Variants in RFT1 observed in about 807,000 individuals in gnomAD.
The protein encoded by RFT1 is RFT1 glycolipid translocator homolog, also known as man(5)GlcNAc(2)-PP-dolichol translocation protein RFT1.
RFT1 carries 43 observed loss-of-function variants against 62.2 expected under a neutral mutation model. The ratio of observed to expected loss-of-function variants is 0.69; its 90% CI spans 0.54 to 0.89. The LOEUF (loss-of-function observed/expected upper bound fraction) is 0.89. RFT1 is among the 40% of genes least tolerant of loss of function. The pLI is 0.00. For missense variants in RFT1, 605 were observed against 649.9 expected, an observed-to-expected ratio of 0.93 and a Z score of 0.75; for synonymous variants, 262 against 264.6, an observed-to-expected ratio of 0.99 and a Z score of 0.10.
chr3:53,078,771 G>A, the RFT1 span, among the ~76,000 whole-genome samples: 1 of 152,198 alleles, frequency 6.6e-6, no homozygotes, highest in Non-Finnish European at 1.5e-5. Context: ...TCTCCACCGT[G>A]ACCTCTGTGC....
At chr3:53,080,516 T>C in the RFT1 span, among the ~76,000 whole-genome samples, 1 of 152,298 alleles carries the variant, frequency 6.6e-6, no homozygotes, top group African/African-American at 2.4e-5. Flanking sequence ...TAAAAGATGC[T>C]CCACCACCAC....
chr3:53,125,866 A>G (rs777825389), intron 2 of RFT1, 43 bp downstream of exon 2: 3 of 1,455,310 alleles, frequency 2.1e-6, no homozygotes, highest in Non-Finnish European at 1.9e-6. Flanking sequence ...AAGCCTGGCT[A>G]GGAAGGTGAA....
chr3:53,106,812 A>C lies in RFT1; in HGVS notation c.826+7T>G, dbSNP rs192264403. On this transcript the variant is annotated splice_region_variant and intron_variant, in intron 8 of 12. Coordinates refer to ENST00000296292, the MANE Select transcript of RFT1 (RefSeq NM_052859.4). ...TTTAATTAAAACACTACAGAATTTC[A>C]TCTTACCCTGATCACCAAAGTTCAA... 46 of 1,607,802 alleles carry C rather than the reference A, an allele frequency of 2.9e-5. 1 individual carries two copies. The South Asian group carries it at 4.9e-4, about 17-fold the overall frequency.
At position 53,120,048 on chromosome 3, in the gene RFT1, T is replaced by C. The variant is rs1559596207; in HGVS notation, c.559-27A>G. ...TGAGAAAAAAAATAAACTGTTTTAATAAAGGCATAATTAAGATATGCCTAT... is the reference window on the plus strand; with the variant it reads ...TGAGAAAAAAAATAAACTGTTTTAACAAAGGCATAATTAAGATATGCCTAT... On this transcript the variant is annotated intron_variant, in intron 5 of 12. Coordinates refer to ENST00000296292, the MANE Select transcript of RFT1 (RefSeq NM_052859.4). 6 of 1,578,298 alleles carry C rather than the reference T, an allele frequency of 3.8e-6. No homozygotes were observed. The African/African-American group carries it at 8.2e-5, about 22-fold the overall frequency.
the RFT1 span, among the ~76,000 whole-genome samples, chr3:53,071,854 C>T: frequency 2.6e-5 from 4 of 152,358 alleles, no homozygotes; most frequent in South Asian, 4.1e-4. Flanking sequence ...AAGGTGAAGC[C>T]AAAGACTCAA....
At chr3:53,128,372 G>A (rs1366415041) in intron 1 of RFT1, among the ~76,000 whole-genome samples, 2 of 152,182 alleles carry the variant, frequency 1.3e-5, no homozygotes, top group African/African-American at 4.8e-5. Flanking sequence ...GAAACTTAAT[G>A]TTCCAGGCCA....
chr3:53,092,206 T>C (rs1443900888), intron 12 of RFT1, 136 bp from the exon 13 acceptor site: 10 of 1,398,718 alleles, frequency 7.1e-6, no homozygotes, highest in Non-Finnish European at 9.9e-6. Flanking sequence ...AGGTCCATTG[T>C]TTCCCCATTG....
At position 53,092,434 on chromosome 3, in the gene RFT1, G is replaced by A. The variant is rs1469997274; in HGVS notation, c.1393C>T (p.Leu465=). 1 of 1,611,054 alleles carries A rather than the reference G, an allele frequency of 6.2e-7. No individual in the cohort carries two copies. The highest frequency in any genetic ancestry group is 1.1e-5 in the South Asian group (1 of 90,142). ...RRSPHRPLAG[L]HLSPVLLGTF... is the part of the protein sequence containing the mutation. ...CCGAGCAGGACTGGCGATAGGTGCA[G>A]GCCAGCCAGGGGCCTGTGGGGGCTC... Residue 465 remains leucine (L), a synonymous_variant, in exon 12 of 13, where the codon CTG becomes TTG. Coordinates refer to ENST00000296292, the MANE Select transcript of RFT1 (RefSeq NM_052859.4).
the RFT1 span, among the ~76,000 whole-genome samples, chr3:53,068,701 G>T: frequency 6.6e-6 from 1 of 152,180 alleles, no homozygotes; most frequent in Non-Finnish European, 1.5e-5. Context: ...AAAGGGAAGC[G>T]AGAAAATACA....
At chr3:53,130,304 C>A in intron 1 of RFT1, 34 bp downstream of exon 1, 15 of 1,549,568 alleles carry the variant, frequency 9.7e-6, no homozygotes, top group Non-Finnish European at 1.3e-5. Context: ...ATCCCGGCTG[C>A]AGTACAAGCT....
rs561235953 is a variant in RFT1 at position 53,088,708 on chromosome 3, C to G, written c.*3195G>C. 16 of 152,662 alleles carry G rather than the reference C, an allele frequency of 1.0e-4. No homozygotes were observed. The East Asian group carries it at 3.1e-3, about 29-fold the overall frequency. 9.5% of individuals were successfully genotyped at this position (152,662 alleles called of 1,614,324 possible). On this transcript the variant is annotated 3_prime_UTR_variant, in exon 13 of 13. Coordinates refer to ENST00000296292, the MANE Select transcript of RFT1 (RefSeq NM_052859.4). ...AATTAGCTGGGTGAGGTAGCACACA[C>G]CTGTGATCCCAGCTACTCAGGAGGC...
Position 53,092,384 on chromosome 3 carries a change from A to C in RFT1, c.1443T>G (p.Val481=). ...LLGTFALSGG[V]TAVSEVFLCC... is the part of the protein sequence containing the mutation. ...GGAGTCTCACCTCCGAAACAGCAGTAACCCCACCACTGAGGGCAAATGTCC... is the reference window on the plus strand; with the variant it reads ...GGAGTCTCACCTCCGAAACAGCAGTCACCCCACCACTGAGGGCAAATGTCC... Residue 481 remains valine (V), a synonymous_variant, in exon 12 of 13, where the codon GTT becomes GTG. Coordinates refer to ENST00000296292, the MANE Select transcript of RFT1 (RefSeq NM_052859.4). The C allele has an allele frequency of 1.9e-6, 3 of 1,602,924 alleles. No homozygotes were observed. Among genetic ancestry groups the C allele is most frequent in the Non-Finnish European group, 2.6e-6 (3 of 1,175,260 alleles).
At chr3:53,094,496 C>T (rs1044306887) in intron 11 of RFT1, among the ~76,000 whole-genome samples, 3 of 151,930 alleles carry the variant, frequency 2.0e-5, no homozygotes, top group Non-Finnish European at 2.9e-5. Context: ...TAATGAAGTA[C>T]GAGAGCCTGT....
the RFT1 span, among the ~76,000 whole-genome samples, chr3:53,078,565 C>T: frequency 3.3e-5 from 5 of 151,934 alleles, no homozygotes; most frequent in Non-Finnish European, 7.4e-5. Flanking sequence ...ATAGTGAGAC[C>T]CCATCTCTAC....
the RFT1 span, among the ~76,000 whole-genome samples, chr3:53,082,089 G>A: frequency 2.6e-5 from 4 of 151,992 alleles, no homozygotes; most frequent in Non-Finnish European, 4.4e-5. Context: ...GACCACAGGC[G>A]AGAGCCACCA....
intron 6 of RFT1, among the ~76,000 whole-genome samples, chr3:53,112,542 G>A (rs560319950): frequency 2.0e-5 from 3 of 152,278 alleles, no homozygotes; most frequent in African/African-American, 7.2e-5. Flanking sequence ...AGGAGTTTGA[G>A]ACCAGCTTGG....
At chr3:53,080,569 T>C in the RFT1 span, among the ~76,000 whole-genome samples, 3 of 152,170 alleles carry the variant, frequency 2.0e-5, no homozygotes, top group South Asian at 6.2e-4. Context: ...GAGGAAGCAG[T>C]AGTGGGGAAA....
At chr3:53,115,531 T>G (rs1351216997) in intron 6 of RFT1, among the ~76,000 whole-genome samples, 1 of 152,136 alleles carries the variant, frequency 6.6e-6, no homozygotes, top group Non-Finnish European at 1.5e-5. Context: ...CTTCCCTTCA[T>G]AACTTCCCGC....
chr3:53,092,608 C>T lies in RFT1; in HGVS notation c.1219G>A (p.Val407Met). 6.2e-7 allele frequency: 1 copy of T among 1,611,018 alleles called. No individual in the cohort carries two copies. Among genetic ancestry groups the T allele is most frequent in the Non-Finnish European group, 8.5e-7 (1 of 1,178,866 alleles). Reference sequence around the variant, plus strand: ...AATGAGGAGGACAGGGCCAGCATCACAAAATTGTACCTGGGGAGGAGACAG... The same window carrying T: ...AATGAGGAGGACAGGGCCAGCATCATAAAATTGTACCTGGGGAGGAGACAG... ...SKEEVDRYNF[V>M]MLALSSSFLV... Residue 407 changes from valine (V) to methionine (M), a missense_variant, in exon 12 of 13, where the codon GTG becomes ATG. Transcript: ENST00000296292.
Sources: gnomAD v4.1 joint callset for allele counts (sites outside exome capture counted in the v4.1 genomes callset) on GRCh38, gnomAD v4.1.1 for gene constraint, MANE v1.5 for transcripts, NCBI Gene and HGNC (gene_info 2026-07-23, HGNC 2026-07-21) for gene names.